The following HDAC1 variants were observed in gnomAD, a reference collection of about 807,000 sequenced individuals.
HDAC1 encodes the protein protein deacetylase HDAC1.
HDAC1 carries 18 observed loss-of-function variants against 65.5 expected under a neutral mutation model. The observed-to-expected ratio is 0.27, with a 90% CI of 0.19 to 0.41. The LOEUF (loss-of-function observed/expected upper bound fraction) is 0.41. Among genes scored for constraint, HDAC1 ranks in the 10% least tolerant of loss-of-function variants. The pLI is 1.00. For synonymous variants in HDAC1, 211 were observed against 227.9 expected (o/e 0.93, Z 0.67); for missense variants, 373 against 625.2 (o/e 0.60, Z 4.30).
At position 32,292,099 on chromosome 1, in the gene HDAC1, C is replaced by A; in HGVS notation, c.-71C>A. On this transcript the variant is annotated 5_prime_UTR_variant, in exon 1 of 14. Coordinates refer to ENST00000373548, the MANE Select transcript of HDAC1 (RefSeq NM_004964.3). ...GAGGCCCGCCCCCTCCCCCCTGGGTCGGACGCTGAGCGGAGCCGCGGGCGG... is the reference window on the plus strand; with the variant it reads ...GAGGCCCGCCCCCTCCCCCCTGGGTAGGACGCTGAGCGGAGCCGCGGGCGG... The A allele has an allele frequency of 6.8e-7, 1 of 1,461,750 alleles. No individual in the cohort carries two copies. The highest frequency in any genetic ancestry group is 9.3e-7 in the Non-Finnish European group (1 of 1,070,730). 90.5% of individuals were successfully genotyped at this position (1,461,750 alleles called of 1,614,324 possible). A position where few individuals can be genotyped will look rare whatever the true frequency, so the allele number is the denominator to read the frequency against.
At chr1:32,310,800 A>G (rs1404097219) in intron 2 of HDAC1, among the ~76,000 whole-genome samples, 6 of 151,938 alleles carry the variant, frequency 3.9e-5, no homozygotes, top group Non-Finnish European at 8.8e-5. Context: ...CAGTGAGCCA[A>G]GATTGTGCCA....
intron 3 of HDAC1, among the ~76,000 whole-genome samples, chr1:32,319,313 A>T (rs1641108547): frequency 6.6e-6 from 1 of 152,182 alleles, no homozygotes; most frequent in African/African-American, 2.4e-5. Flanking sequence ...AGGAAGAATA[A>T]GCCTCTCTAA....
intron 2 of HDAC1, among the ~76,000 whole-genome samples, chr1:32,310,130 T>G (rs764517676): frequency 3.9e-5 from 6 of 152,184 alleles, no homozygotes; most frequent in Non-Finnish European, 8.8e-5. Context: ...AATTCCCTCA[T>G]GGCAGCCATC....
At chr1:32,314,450 C>G (rs1252541691) in intron 2 of HDAC1, among the ~76,000 whole-genome samples, 1 of 152,132 alleles carries the variant, frequency 6.6e-6, no homozygotes, top group Non-Finnish European at 1.5e-5. Context: ...GCCTCAGCCT[C>G]CCGAAGTACT....
intron 2 of HDAC1, among the ~76,000 whole-genome samples, chr1:32,314,346 C>T (rs1009117045): frequency 1.3e-5 from 2 of 152,028 alleles, no homozygotes; most frequent in African/African-American, 4.8e-5. Flanking sequence ...GCAAGTGCCA[C>T]CACAGCCAGC....
At chr1:32,315,766 G>C (rs1211808682) in intron 2 of HDAC1, among the ~76,000 whole-genome samples, 1 of 148,458 alleles carries the variant, frequency 6.7e-6, no homozygotes, top group Non-Finnish European at 1.5e-5. Flanking sequence ...AGGAGTTCGA[G>C]ACCATCCTGA....
intron 3 of HDAC1, among the ~76,000 whole-genome samples, chr1:32,320,216 T>C (rs1482612213): frequency 6.7e-6 from 1 of 149,994 alleles, no homozygotes; most frequent in Non-Finnish European, 1.5e-5. Context: ...CGAGACTCCT[T>C]CTCAAAAAGA....
rs1271621248 is a variant in HDAC1, at chr1:32,327,637, A to G, written c.596A>G (p.His199Arg). 1.2e-6 allele frequency: 2 copies of G among 1,613,968 alleles called. No homozygotes were observed. Among genetic ancestry groups the G allele is most frequent in the Non-Finnish European group, 1.7e-6 (2 of 1,179,950 alleles). Residue 199 changes from histidine to arginine, a missense_variant, in exon 6 of 14, where the codon CAT becomes CGT. Physicochemically the swap from His to Arg is conservative, Grantham distance 29. Coordinates refer to ENST00000373548, the MANE Select transcript of HDAC1 (RefSeq NM_004964.3). This position sits in a 1 kb window ranked among gnomAD's most constrained non-coding sequence, Gnocchi z 6.0. The stretch of plus-strand genomic sequence containing the variant: ...GACCGGGTCATGACTGTGTCCTTTC[A>G]TAAGTATGGAGAGTACTTCCCAGGA... Reference protein sequence around the residue: ...TTDRVMTVSFHKYGEYFPGTG... With the variant: ...TTDRVMTVSFRKYGEYFPGTG...
chr1:32,313,217 C>T (rs1570018398), intron 2 of HDAC1, among the ~76,000 whole-genome samples: 1 of 152,150 alleles, frequency 6.6e-6, no homozygotes, highest in East Asian at 1.9e-4. Flanking sequence ...GCCTCAGCCT[C>T]CTGAGTAGCT....
chr1:32,297,939 A>G (rs931951298), intron 1 of HDAC1, among the ~76,000 whole-genome samples: 10 of 147,914 alleles, frequency 6.8e-5, no homozygotes, highest in Non-Finnish European at 1.5e-4. Context: ...ACAGGCGCCT[A>G]CCACCACACC....
intron 1 of HDAC1, among the ~76,000 whole-genome samples, chr1:32,294,459 A>T (rs1569996229): frequency 1.4e-5 from 2 of 145,988 alleles, no homozygotes; most frequent in East Asian, 4.3e-4. Context: ...GATGTGGGCA[A>T]TTTGATGGTG....
chr1:32,304,455 G>A (rs1640886390), intron 2 of HDAC1, among the ~76,000 whole-genome samples: 1 of 152,210 alleles, frequency 6.6e-6, no homozygotes, highest in African/African-American at 2.4e-5. Flanking sequence ...CTGGAGTGCA[G>A]TGGTGTGATC....
rs755709900 is a variant in HDAC1, at chr1:32,332,208, G to C, written c.1338G>C (p.Glu446Asp). ...AAAAAGCCAAGAGAGTCAAAACAGAGGATGAAAAAGAGAAAGACCCAGAGG... is the reference window on the plus strand; with the variant it reads ...AAAAAGCCAAGAGAGTCAAAACAGACGATGAAAAAGAGAAAGACCCAGAGG... ...NFKKAKRVKT[E>D]DEKEKDPEEK... is the part of the protein sequence containing the mutation. The change falls in exon 12 of 14, where the codon GAG (glutamate) becomes GAC (aspartate). Residue 446 changes from glutamate (E) to aspartate (D), a missense_variant. By Grantham distance (45) the Glu-to-Asp change is conservative (BLOSUM62 2). This residue lies in a region of HDAC1 where 126 missense variants were observed against 126.2 expected (regional missense o/e 1.00). Transcript: ENST00000373548. 3 of 1,613,152 alleles carry C rather than the reference G, an allele frequency of 1.9e-6. No individual in the cohort carries two copies. The highest frequency in any genetic ancestry group is 2.5e-6 in the Non-Finnish European group (3 of 1,179,500).
chr1:32,292,360 T>C, intron 1 of HDAC1, 142 bp downstream of exon 1: 1 of 1,491,926 alleles, frequency 6.7e-7, no homozygotes, highest in East Asian at 2.5e-5. Context: ...GAGGGGGAAG[T>C]CGAGGCTGAG....
At chr1:32,295,128 A>G (rs1211173678) in intron 1 of HDAC1, among the ~76,000 whole-genome samples, 1 of 152,154 alleles carries the variant, frequency 6.6e-6, no homozygotes, top group African/African-American at 2.4e-5. Flanking sequence ...TAAAGAACAG[A>G]AATTGCTGAA....
intron 3 of HDAC1, among the ~76,000 whole-genome samples, chr1:32,323,515 A>T (rs1641177176): frequency 6.6e-6 from 1 of 152,006 alleles, no homozygotes; most frequent in African/African-American, 2.4e-5. Context: ...CTTGTGCCTC[A>T]GCCTCCCAAG....
Position 32,316,783 on chromosome 1 carries a change from G to A in HDAC1, c.280+1G>A. The A allele has an allele frequency of 6.3e-7, 1 of 1,579,314 alleles. No individual in the cohort carries two copies. Among genetic ancestry groups the A allele is most frequent in the Non-Finnish European group, 8.7e-7 (1 of 1,148,230 alleles). On this transcript the variant is annotated splice_donor_variant, in intron 3 of 13. Transcript: ENST00000373548. LOFTEE classifies it high-confidence loss of function. ...GAGTACAGCAAGCAGATGCAGAGATGTAAGTCCATTCTGTTCCCTCACACT... is the reference window on the plus strand; with the variant it reads ...GAGTACAGCAAGCAGATGCAGAGATATAAGTCCATTCTGTTCCCTCACACT...
chr1:32,298,135 T>TG (rs1372177429), intron 1 of HDAC1, among the ~76,000 whole-genome samples: 5 of 140,470 alleles, frequency 3.6e-5, no homozygotes, highest in Non-Finnish European at 6.1e-5. Context: ...TTGCCCAGGC[T>TG]GGAGCGCAGT....
At position 32,333,181 on chromosome 1, in the gene HDAC1, A is replaced by C; in HGVS notation, c.*137A>C. 1 of 714,768 alleles carries C rather than the reference A, an allele frequency of 1.4e-6. No homozygotes were observed. The highest frequency in any genetic ancestry group is 2.4e-5 in the South Asian group (1 of 42,384). 44.3% of individuals were successfully genotyped at this position (714,768 alleles called of 1,614,324 possible). A position where few individuals can be genotyped will look rare whatever the true frequency, so the allele number is the denominator to read the frequency against. The stretch of plus-strand genomic sequence containing the variant: ...TAAATATCCCCAGGGACAGAAACCA[A>C]GGCCCCGAGCTCAGGGCAGCTGTGC... On this transcript the variant is annotated 3_prime_UTR_variant, in exon 14 of 14. Coordinates refer to ENST00000373548, the MANE Select transcript of HDAC1 (RefSeq NM_004964.3).
Sources: allele counts gnomAD v4.1 joint callset (sites outside exome capture counted in the v4.1 genomes callset), GRCh38; gene constraint gnomAD v4.1.1; regional missense constraint gnomAD v4.1.1; non-coding constraint Gnocchi (gnomAD v3.1); transcripts MANE v1.5; gene names NCBI Gene and HGNC (gene_info 2026-07-23, HGNC 2026-07-21).